Variants in RAB11FIP3 observed in about 807,000 individuals in gnomAD.
RAB11FIP3 encodes RAB11 family interacting protein 3, also known as rab11 family-interacting protein 3.
In RAB11FIP3, 17 loss-of-function variants were observed where a neutral mutation model predicts 77.8. The observed-to-expected ratio is 0.22, with a 90% CI of 0.15 to 0.33. The LOEUF is 0.33. Ranked by LOEUF, RAB11FIP3 falls within the 10% of genes least tolerant of loss-of-function variation. RAB11FIP3 has a pLI of 1.00. For missense variants in RAB11FIP3, 1,005 were observed against 1,011.2 expected (o/e 0.99, Z 0.08); for synonymous variants, 437 against 448.2 (o/e 0.98, Z 0.31).
chr16:511,972 G>T (rs2032199297), intron 9 of RAB11FIP3, among the ~76,000 whole-genome samples: 1 of 144,968 alleles, frequency 6.9e-6, no homozygotes, highest in Non-Finnish European at 1.5e-5. Flanking sequence ...GGTAGGAGAG[G>T]TTCCTGACAG....
At chr16:479,921 C>A (rs2055999821) in intron 3 of RAB11FIP3, among the ~76,000 whole-genome samples, 1 of 150,638 alleles carries the variant, frequency 6.6e-6, no homozygotes, top group Non-Finnish European at 1.5e-5. Context: ...CTGTCTCAAA[C>A]AACAACAACA....
In RAB11FIP3 at chr16:482,670, T is replaced by C. The variant is rs1487872157; in HGVS notation, c.1049T>C (p.Val350Ala). 1 of 1,612,702 alleles carries C rather than the reference T, an allele frequency of 6.2e-7. No individual in the cohort carries two copies. The highest frequency in any genetic ancestry group is 1.1e-5 in the South Asian group (1 of 91,042). The change falls in exon 4 of 14, where the codon GTG (valine) becomes GCG (alanine). Residue 350 changes from valine (V) to alanine (A), a missense_variant. By Grantham distance (64) the Val-to-Ala change is moderately conservative. Transcript: ENST00000262305. ...GCAGACAGTGCCGGCGGCTCGGCCG[T>C]GCCCTCTGAGTGCCTGGACGCCATG... ...GDADSAGGSA[V>A]PSECLDAMEE...
At chr16:457,733 A>G (rs1378183110) in intron 1 of RAB11FIP3, among the ~76,000 whole-genome samples, 1 of 152,234 alleles carries the variant, frequency 6.6e-6, no homozygotes, top group Non-Finnish European at 1.5e-5. Flanking sequence ...TGTTTAAAAA[A>G]TATTTGGTTA....
At chr16:488,304 C>G (rs8058560) in intron 4 of RAB11FIP3, among the ~76,000 whole-genome samples, 1 of 152,178 alleles carries the variant, frequency 6.6e-6, no homozygotes, top group East Asian at 1.9e-4. Flanking sequence ...GACGTGAACC[C>G]GGGAGGCGGA....
At chr16:498,460 C>G (rs1337796516) in intron 6 of RAB11FIP3, among the ~76,000 whole-genome samples, 6 of 152,186 alleles carry the variant, frequency 3.9e-5, no homozygotes, top group East Asian at 1.9e-4. Context: ...CAGGCATGAG[C>G]CGTCACACCT....
chr16:516,192 C>G (rs2032409226), intron 9 of RAB11FIP3, among the ~76,000 whole-genome samples: 1 of 152,212 alleles, frequency 6.6e-6, no homozygotes, highest in Admixed American at 6.5e-5. Flanking sequence ...CCCTTCCCGC[C>G]CAGCCCTGTG....
rs939887451 is a variant in RAB11FIP3, at chr16:506,453, C to T, written c.1499+826C>T. 3.3e-5 allele frequency among the ~76,000 whole-genome samples: 5 copies of T among 152,266 alleles called. No homozygotes were observed. Among genetic ancestry groups the T allele is most frequent in the South Asian group, 4.1e-4 (2 of 4,824 alleles). On this transcript the variant is annotated intron_variant, in intron 8 of 13. Coordinates refer to ENST00000262305, the MANE Select transcript of RAB11FIP3 (RefSeq NM_014700.4). This position sits in a 1 kb window ranked among gnomAD's most constrained non-coding sequence, Gnocchi z 4.5. Reference sequence around the variant, plus strand: ...GTGAGCTTCTGTCCCTGCCCAGCTGCGCGGGCACATCCCGGCTCTTCCACA... The same window carrying T: ...GTGAGCTTCTGTCCCTGCCCAGCTGTGCGGGCACATCCCGGCTCTTCCACA...
chr16:488,123 G>A (rs940087825), intron 4 of RAB11FIP3, among the ~76,000 whole-genome samples: 24 of 152,342 alleles, frequency 1.6e-4, no homozygotes, highest in Non-Finnish European at 5.9e-5. Context: ...GCTCACGCCT[G>A]TAATCCCAAC....
chr16:476,274 C>T lies in RAB11FIP3; in HGVS notation c.903+4885C>T, dbSNP rs543503016. Reference sequence around the variant, plus strand: ...GGAGTCTGAGTTTGTGTAGAATCTGCCTCATTGTTCCTGTGTCCGTGGAGA... The same window carrying T: ...GGAGTCTGAGTTTGTGTAGAATCTGTCTCATTGTTCCTGTGTCCGTGGAGA... On this transcript the variant is annotated intron_variant, in intron 3 of 13. Coordinates refer to ENST00000262305, the MANE Select transcript of RAB11FIP3 (RefSeq NM_014700.4). Among the ~76,000 whole-genome samples, 3 of 152,286 alleles carry T rather than the reference C, an allele frequency of 2.0e-5. 1 individual carries two copies. The highest frequency in any genetic ancestry group is 7.2e-5 in the African/African-American group (3 of 41,548).
chr16:491,089 C>T (rs1226947116), intron 5 of RAB11FIP3: 3 of 1,275,806 alleles, frequency 2.4e-6, no homozygotes, highest in South Asian at 1.3e-5. Context: ...CAGATGACCA[C>T]ACGGGTCCTC....
At chr16:492,183 A>AT (rs2030276697) in intron 5 of RAB11FIP3, among the ~76,000 whole-genome samples, 1 of 152,058 alleles carries the variant, frequency 6.6e-6, no homozygotes, top group Admixed American at 6.5e-5. Flanking sequence ...CTCTAGTTCC[A>AT]TTTCCAGGGC....
chr16:510,847 G>T (rs2032111068), intron 9 of RAB11FIP3, 47 bp downstream of exon 9: 1 of 1,595,572 alleles, frequency 6.3e-7, no homozygotes, highest in Middle Eastern at 1.7e-4. Flanking sequence ...TGCAGGCCAG[G>T]TAGGAGACGG....
rs1324913499 is a variant in RAB11FIP3 at position 514,841 on chromosome 16, C to T, written c.1640+4041C>T. ...CTGATTTGCAGCTTGTGGCACCTGC[C>T]GAACCCCCGGCGTTGGGGTACATGG... On this transcript the variant is annotated intron_variant, in intron 9 of 13. Transcript: ENST00000262305. The surrounding 1 kb of genome is among the most constrained non-coding windows in gnomAD (Gnocchi z 4.6). Among the ~76,000 whole-genome samples, 1 of 152,154 alleles carries T rather than the reference C, an allele frequency of 6.6e-6. No individual in the cohort carries two copies. Among genetic ancestry groups the T allele is most frequent in the Non-Finnish European group, 1.5e-5 (1 of 68,036 alleles).
rs773309559 is a variant in RAB11FIP3, at chr16:482,560, C to T, written c.939C>T (p.Ser313=). 9.9e-6 allele frequency: 16 copies of T among 1,613,508 alleles called. No homozygotes were observed. The Admixed American group carries it at 1.3e-4, about 13-fold the overall frequency. Residue 313 remains serine, a synonymous_variant, in exon 4 of 14, where the codon TCC becomes TCT. Coordinates refer to ENST00000262305, the MANE Select transcript of RAB11FIP3 (RefSeq NM_014700.4). ...NEVTDSAYMG[S]ESTYSECETF... The stretch of plus-strand genomic sequence containing the variant: ...TGACGGACAGCGCGTACATGGGCTC[C>T]GAGAGCACCTACAGTGAGTGTGAGA...
At position 505,697 on chromosome 16, in the gene RAB11FIP3, C is replaced by A; in HGVS notation, c.1499+70C>A. The A allele has an allele frequency of 2.3e-6, 3 of 1,305,574 alleles. No individual in the cohort carries two copies. Among genetic ancestry groups the A allele is most frequent in the South Asian group, 2.6e-5 (2 of 76,694 alleles). The allele number at this position is 1,305,574 out of a possible 1,614,324, so 80.9% of individuals were successfully genotyped here. ...GTGCCCGCCTGTCAGCCCCCATTTA[C>A]TTCTCTTTACCTCACACAGCAGGGG... On this transcript the variant is annotated intron_variant, in intron 8 of 13. Coordinates refer to ENST00000262305, the MANE Select transcript of RAB11FIP3 (RefSeq NM_014700.4). This position sits in a 1 kb window ranked among gnomAD's most constrained non-coding sequence, Gnocchi z 4.0.
chr16:440,095 G>A (rs2055200060), intron 1 of RAB11FIP3, among the ~76,000 whole-genome samples: 1 of 151,840 alleles, frequency 6.6e-6, no homozygotes. Context: ...CCCCCCCATC[G>A]GCCTCCCAAA....
rs538838355 is a variant in RAB11FIP3, at chr16:426,464, G to A, written c.458G>A (p.Arg153Gln). 2 of 1,582,280 alleles carry A rather than the reference G, an allele frequency of 1.3e-6. No homozygotes were observed. Among genetic ancestry groups the A allele is most frequent in the East Asian group, 2.3e-5 (1 of 43,534 alleles). Residue 153 changes from arginine (R) to glutamine (Q), a missense_variant, in exon 1 of 14, where the codon CGA (arginine) becomes CAA (glutamine). This residue lies in a region of RAB11FIP3 where 466 missense variants were observed against 408.3 expected (regional missense o/e 1.14). Transcript: ENST00000262305. The surrounding 1 kb of genome is among the most constrained non-coding windows in gnomAD (Gnocchi z 5.0). ...FRLQGSSSSHRARGEVDVFSP... is the reference protein window; with the variant it reads ...FRLQGSSSSHQARGEVDVFSP... ...TTGCAGGGGTCCAGCAGCAGCCACC[G>A]AGCGCGGGGCGAGGTCGACGTCTTC... is the stretch of plus-strand genomic sequence containing the variant.
intron 1 of RAB11FIP3, among the ~76,000 whole-genome samples, chr16:428,391 C>A (rs1490681814): frequency 6.6e-6 from 1 of 152,144 alleles, no homozygotes; most frequent in African/African-American, 2.4e-5. Context: ...CTTGAGCTCC[C>A]TTGGTTGCTG....
intron 2 of RAB11FIP3, among the ~76,000 whole-genome samples, chr16:465,641 G>A (rs563784697): frequency 3.0e-4 from 46 of 152,216 alleles, no homozygotes; most frequent in Middle Eastern, 3.4e-3. Context: ...ATGGAGTCTC[G>A]CTCTGTCGGC....
Sources: allele counts gnomAD v4.1 joint callset (sites outside exome capture counted in the v4.1 genomes callset), GRCh38; gene constraint gnomAD v4.1.1; regional missense constraint gnomAD v4.1.1; non-coding constraint Gnocchi (gnomAD v3.1); transcripts MANE v1.5; gene names NCBI Gene and HGNC (gene_info 2026-07-23, HGNC 2026-07-21).